MSRA: variants seen among roughly 807,000 people sequenced by gnomAD.
The protein encoded by MSRA is methionine sulfoxide reductase A.
Under a neutral mutation model 31.3 loss-of-function variants are expected in MSRA, and 54 were observed. That is an observed-to-expected ratio of 1.73 (90% CI 1.39 to 2.17). The LOEUF (loss-of-function observed/expected upper bound fraction) is 2.17, where lower values mean the gene tolerates loss of function less well. MSRA is among the 30% of genes most tolerant of loss of function. The pLI is 0.00. For synonymous variants in MSRA, 169 were observed against 116.5 expected, an observed-to-expected ratio of 1.45 and a Z score of -2.90; for missense variants, 507 against 300.9, an observed-to-expected ratio of 1.69 and a Z score of -5.07.
At chr8:10,069,318 G>T (rs1399693971) in intron 1 of MSRA, among the ~76,000 whole-genome samples, 2 of 152,138 alleles carry the variant, frequency 1.3e-5, no homozygotes, top group African/African-American at 4.8e-5. Flanking sequence ...AGTAATAGTG[G>T]ACATCTTTGC....
At chr8:10,265,783 G>C (rs1585313403) in intron 3 of MSRA, among the ~76,000 whole-genome samples, 2 of 152,162 alleles carry the variant, frequency 1.3e-5, no homozygotes, top group East Asian at 3.9e-4. Context: ...CCGCAGCCCT[G>C]GTGCCCAGGC....
intron 2 of MSRA, among the ~76,000 whole-genome samples, chr8:10,223,072 A>G (rs1409758473): frequency 6.6e-6 from 1 of 152,250 alleles, no homozygotes; most frequent in Non-Finnish European, 1.5e-5. Context: ...TTTACACCAT[A>G]AAATTGTGTT....
intron 3 of MSRA, among the ~76,000 whole-genome samples, chr8:10,259,477 C>T (rs567486176): frequency 1.1e-4 from 16 of 152,086 alleles, no homozygotes; most frequent in African/African-American, 2.7e-4. Context: ...TGTAGGGACC[C>T]GTGACATTCT....
intron 1 of MSRA, among the ~76,000 whole-genome samples, chr8:10,066,517 C>G (rs551759373): frequency 6.6e-6 from 1 of 152,108 alleles, no homozygotes. Flanking sequence ...CATAATATCT[C>G]CAGTTCAGCT....
intron 1 of MSRA, among the ~76,000 whole-genome samples, chr8:10,116,360 C>T (rs750676349): frequency 3.5e-4 from 54 of 152,154 alleles, no homozygotes; most frequent in Non-Finnish European, 4.6e-4. Flanking sequence ...AGATTGGACA[C>T]CCCCTGGACT....
At chr8:10,397,538 G>A (rs1198833724) in intron 5 of MSRA, among the ~76,000 whole-genome samples, 1 of 152,194 alleles carries the variant, frequency 6.6e-6, no homozygotes, top group East Asian at 1.9e-4. Flanking sequence ...AGGCTTCAGG[G>A]TGCTTCTCAG....
chr8:10,223,375 T>C (rs1396364311), intron 2 of MSRA, among the ~76,000 whole-genome samples: 1 of 152,216 alleles, frequency 6.6e-6, no homozygotes, highest in African/African-American at 2.4e-5. Context: ...TGATTTAGAA[T>C]ATGAAATCAG....
chr8:10,270,311 A>G (rs763312613), intron 3 of MSRA, among the ~76,000 whole-genome samples: 16 of 152,328 alleles, frequency 1.1e-4, no homozygotes, highest in Non-Finnish European at 2.4e-4. Context: ...AAAATGCCAT[A>G]CAAAAGAAAG....
intron 1 of MSRA, among the ~76,000 whole-genome samples, chr8:10,190,087 A>G (rs528282350): frequency 1.2e-4 from 18 of 152,038 alleles, no homozygotes; most frequent in Non-Finnish European, 2.9e-5. Context: ...AAGCCAAGGA[A>G]TGTCCTTGGT....
intron 3 of MSRA, among the ~76,000 whole-genome samples, chr8:10,259,674 G>A (rs542885671): frequency 1.5e-4 from 23 of 152,272 alleles, no homozygotes; most frequent in African/African-American, 4.6e-4. Flanking sequence ...AAGGTAGACC[G>A]TCCTGGGAAA....
chr8:10,148,099 G>T (rs905868856), intron 1 of MSRA, among the ~76,000 whole-genome samples: 4 of 152,134 alleles, frequency 2.6e-5, no homozygotes, highest in African/African-American at 9.7e-5. Context: ...GGAGGCAGTG[G>T]GCAGAAAGGG....
chr8:10,121,294 G>A (rs570505527), intron 1 of MSRA, among the ~76,000 whole-genome samples: 1 of 152,300 alleles, frequency 6.6e-6, no homozygotes, highest in South Asian at 2.1e-4. Context: ...CAGGGGAACG[G>A]GAGGTTGCTG....
intron 1 of MSRA, among the ~76,000 whole-genome samples, chr8:10,095,134 C>T (rs1799066251): frequency 6.6e-6 from 1 of 152,118 alleles, no homozygotes; most frequent in Non-Finnish European, 1.5e-5. Flanking sequence ...TGCGGCAGGA[C>T]AAGGAAAAGC....
chr8:10,407,829 T>C (rs1807912994), intron 5 of MSRA, among the ~76,000 whole-genome samples: 1 of 152,188 alleles, frequency 6.6e-6, no homozygotes, highest in Admixed American at 6.5e-5. Context: ...GCTCCTTACA[T>C]TTTTATTGTA....
intron 1 of MSRA, among the ~76,000 whole-genome samples, chr8:10,166,079 G>C (rs182799121): frequency 1.1e-4 from 17 of 152,204 alleles, no homozygotes; most frequent in Non-Finnish European, 2.1e-4. Flanking sequence ...AATGAAACCC[G>C]GGGCTGGTAA....
Position 10,291,404 on chromosome 8 carries a change from C to T in MSRA, c.332-10130C>T, listed in dbSNP as rs117607069. On this transcript the variant is annotated intron_variant, in intron 3 of 5. Transcript: ENST00000317173. ...GTTTCTCGTCGGACACTTTAAGTGA[C>T]GAATGAGACAAAAGAAAAAAAAAAG... Among the ~76,000 whole-genome samples, 873 of 102,342 alleles carry T rather than the reference C, an allele frequency of 8.5e-3. 1 individual carries two copies. Among genetic ancestry groups the T allele is most frequent in the Non-Finnish European group, 0.012 (653 of 54,636 alleles). The allele number at this position is 102,342 out of a possible 152,430, so 67.1% of individuals were successfully genotyped here. A position where few individuals can be genotyped will look rare whatever the true frequency, so the allele number is the denominator to read the frequency against.
Position 10,413,019 on chromosome 8 carries a change from C to T in MSRA, c.544-15129C>T, listed in dbSNP as rs952574159. On this transcript the variant is annotated intron_variant, in intron 5 of 5. Coordinates refer to ENST00000317173, the MANE Select transcript of MSRA (RefSeq NM_012331.5). ...ATAAGACGACACAAAAACCCATTCC[C>T]AAATGTTTACAGCAGCTTTGTTCAT... Among the ~76,000 whole-genome samples the T allele has an allele frequency of 2.0e-5, 3 of 152,314 alleles. No homozygotes were observed. In the East Asian group the frequency reaches 5.8e-4, roughly 29 times the overall value.
At chr8:10,355,034 T>G (rs1049269420) in intron 5 of MSRA, among the ~76,000 whole-genome samples, 1 of 152,206 alleles carries the variant, frequency 6.6e-6, no homozygotes, top group African/African-American at 2.4e-5. Flanking sequence ...GCTTTTGATT[T>G]GTGTCAGTAG....
At chr8:10,140,564 G>C (rs1296765081) in intron 1 of MSRA, among the ~76,000 whole-genome samples, 1 of 152,154 alleles carries the variant, frequency 6.6e-6, no homozygotes, top group African/African-American at 2.4e-5. Context: ...GATATTACAA[G>C]CAAATGAACA....
Sources: allele counts gnomAD v4.1 joint callset (sites outside exome capture counted in the v4.1 genomes callset), GRCh38; gene constraint gnomAD v4.1.1; transcripts MANE v1.5; gene names NCBI Gene and HGNC (gene_info 2026-07-23, HGNC 2026-07-21).